ABCA13: variants seen among roughly 807,000 people sequenced by gnomAD.
ABCA13 encodes the protein ATP binding cassette subfamily A member 13.
In ABCA13, 476 loss-of-function variants were observed where a neutral mutation model predicts 478.7. The observed-to-expected ratio is 0.99, with a 90% CI of 0.92 to 1.07. The LOEUF is 1.07. Ranked by LOEUF, ABCA13 falls within the 50% of genes least tolerant of loss-of-function variation. The probability of loss-of-function intolerance (pLI) is 0.00; values close to 1 mark genes in which losing one functional copy is unlikely to be tolerated. For missense variants in ABCA13, 6,060 were observed against 5,910.6 expected, an observed-to-expected ratio of 1.03 and a Z score of -0.83; for synonymous variants, 2,252 against 2,158.9, an observed-to-expected ratio of 1.04 and a Z score of -1.20.
intron 35 of ABCA13, among the ~76,000 whole-genome samples, chr7:48,385,882 G>C (rs1321809540): frequency 6.6e-6 from 1 of 152,060 alleles, no homozygotes; most frequent in Non-Finnish European, 1.5e-5. Context: ...TCTCATTGTG[G>C]TTTCGATTTG....
chr7:48,194,578 T>C (rs1235220442), intron 2 of ABCA13, among the ~76,000 whole-genome samples: 1 of 152,148 alleles, frequency 6.6e-6, no homozygotes, highest in South Asian at 2.1e-4. Context: ...CCTTGAGAAA[T>C]AGTGGCCTGC....
intron 31 of ABCA13, among the ~76,000 whole-genome samples, chr7:48,354,277 T>A (rs1809534576): frequency 6.6e-6 from 1 of 152,010 alleles, no homozygotes; most frequent in Non-Finnish European, 1.5e-5. Context: ...ACATGACAAT[T>A]CCCTCTGCTC....
chr7:48,279,529 T>C lies in ABCA13; in HGVS notation c.8335T>C (p.Leu2779=), dbSNP rs985583101. Residue 2779 remains leucine, a synonymous_variant, in exon 18 of 62, where the codon TTA becomes CTA. Transcript: ENST00000435803. ...CCTTTTGAAAACCATAGAAACAGTT[T>C]TAGAGGCCTCCAGTGGAATTAAAAG... The part of the protein sequence containing the change: ...NNLLKTIETV[L]EASSGIKSDY... 2 of 1,613,406 alleles carry C rather than the reference T, an allele frequency of 1.2e-6. No individual in the cohort carries two copies. Among genetic ancestry groups the C allele is most frequent in the African/African-American group, 1.3e-5 (1 of 74,904 alleles).
At chr7:48,447,035 C>A (rs965750809) in intron 42 of ABCA13, among the ~76,000 whole-genome samples, 2 of 152,208 alleles carry the variant, frequency 1.3e-5, no homozygotes, top group African/African-American at 2.4e-5. Flanking sequence ...TGCAGCCATG[C>A]AGATCAGAGC....
intron 7 of ABCA13, 66 bp downstream of exon 7, chr7:48,230,021 G>A: frequency 6.7e-7 from 1 of 1,497,800 alleles, no homozygotes; most frequent in Non-Finnish European, 9.0e-7. Context: ...ATTGACAGTT[G>A]ACATAGAGCT....
chr7:48,491,030 T>TA (rs1280835723), intron 48 of ABCA13, among the ~76,000 whole-genome samples: 1 of 152,114 alleles, frequency 6.6e-6, no homozygotes, highest in African/African-American at 2.4e-5. Flanking sequence ...GGGATGGGAA[T>TA]AAAAAAGATT....
intron 55 of ABCA13, among the ~76,000 whole-genome samples, chr7:48,536,153 G>C (rs899156666): frequency 6.6e-6 from 1 of 152,056 alleles, no homozygotes; most frequent in Non-Finnish European, 1.5e-5. Context: ...TCCCTCTATG[G>C]TAACATCTCT....
At chr7:48,176,732 T>C (rs1794931735) in intron 1 of ABCA13, among the ~76,000 whole-genome samples, 1 of 150,362 alleles carries the variant, frequency 6.7e-6, no homozygotes, top group Admixed American at 6.6e-5. Context: ...CCTCTGCCTA[T>C]CTACCTCCTA....
chr7:48,367,952 C>G (rs1490698462), intron 32 of ABCA13, 44 bp downstream of exon 32: 2 of 1,471,764 alleles, frequency 1.4e-6, no homozygotes, highest in Non-Finnish European at 1.8e-6. Context: ...GATAGGGAGG[C>G]TGGGGACTTT....
intron 45 of ABCA13, among the ~76,000 whole-genome samples, chr7:48,478,033 G>A (rs1039962689): frequency 1.3e-5 from 2 of 151,654 alleles, no homozygotes; most frequent in Non-Finnish European, 2.9e-5. Flanking sequence ...ATGGGGGGTG[G>A]TGAAGTGAAT....
chr7:48,451,508 T>C (rs1240361483), intron 42 of ABCA13, among the ~76,000 whole-genome samples: 1 of 152,202 alleles, frequency 6.6e-6, no homozygotes, highest in Non-Finnish European at 1.5e-5. Context: ...TTATCTTTAA[T>C]CTTTACTATA....
intron 8 of ABCA13, chr7:48,234,375 C>G (rs1357807102): frequency 1.7e-6 from 1 of 593,976 alleles, no homozygotes; most frequent in African/African-American, 1.9e-5. Flanking sequence ...AATGGAAAGG[C>G]AGCTTAGAAA....
At chr7:48,612,224 A>G (rs1220867200) in intron 58 of ABCA13, 1 of 152,202 alleles carries the variant, frequency 6.6e-6, no homozygotes, top group Non-Finnish European at 1.5e-5. Context: ...GCTGTATTTC[A>G]ACATGACCCA....
rs1156237727 is a variant in ABCA13 at position 48,587,781 on chromosome 7, G to C, written c.14640+493G>C. On this transcript the variant is annotated intron_variant, in intron 57 of 61. Transcript: ENST00000435803. ...ATATGCAATGGTCTTGAGACAGGGT[G>C]GTCTATAATCAATCTGGGAACTGCA... Among the ~76,000 whole-genome samples the C allele has an allele frequency of 5.3e-5, 8 of 152,148 alleles. No individual in the cohort carries two copies. In the East Asian group the frequency reaches 1.5e-3, roughly 29 times the overall value.
intron 55 of ABCA13, among the ~76,000 whole-genome samples, chr7:48,531,241 A>G (rs559741876): frequency 6.6e-6 from 1 of 152,260 alleles, no homozygotes; most frequent in East Asian, 1.9e-4. Context: ...TTTGTTGAAT[A>G]TGGTGTCCTT....
chr7:48,377,650 C>T (rs1813714765), intron 35 of ABCA13, among the ~76,000 whole-genome samples: 1 of 152,006 alleles, frequency 6.6e-6, no homozygotes, highest in African/African-American at 2.4e-5. Flanking sequence ...AGAGAGAGAA[C>T]ATAAATTGGA....
chr7:48,200,754 A>G (rs1250516507), intron 3 of ABCA13, among the ~76,000 whole-genome samples: 2 of 152,208 alleles, frequency 1.3e-5, no homozygotes, highest in Non-Finnish European at 2.9e-5. Flanking sequence ...CACTTGACCA[A>G]GCAGATTTCA....
intron 39 of ABCA13, 87 bp from the exon 40 acceptor site, chr7:48,410,433 C>G (rs555325571): frequency 2.6e-6 from 4 of 1,514,286 alleles, no homozygotes; most frequent in Non-Finnish European, 3.7e-6. Flanking sequence ...AAATTGTGCC[C>G]TGGATCTACC....
intron 15 of ABCA13, among the ~76,000 whole-genome samples, chr7:48,252,955 G>A (rs1397620152): frequency 6.6e-6 from 1 of 152,040 alleles, no homozygotes; most frequent in Non-Finnish European, 1.5e-5. Flanking sequence ...CTTTGTGCAG[G>A]GGAAGACCTT....
Sources: gnomAD v4.1 joint callset for allele counts (sites outside exome capture counted in the v4.1 genomes callset) on GRCh38, gnomAD v4.1.1 for gene constraint, MANE v1.5 for transcripts, NCBI Gene and HGNC (gene_info 2026-07-23, HGNC 2026-07-21) for gene names.